CAPN12: variants seen among roughly 807,000 people sequenced by gnomAD.
CAPN12 encodes calpain-12.
Under a neutral mutation model 95.0 loss-of-function variants are expected in CAPN12, and 107 were observed. The ratio of observed to expected loss-of-function variants is 1.13; its 90% confidence interval spans 0.96 to 1.32. The LOEUF (loss-of-function observed/expected upper bound fraction) is 1.32. Ranked by LOEUF, CAPN12 falls within the 40% of genes most tolerant of loss-of-function variation. The pLI is 0.00. For missense variants in CAPN12, 1,136 were observed against 997.8 expected (o/e 1.14, Z -1.87); for synonymous variants, 505 against 415.5 (o/e 1.22, Z -2.62).
chr19:38,741,401 C>T (rs936223451), intron 4 of CAPN12, among the ~76,000 whole-genome samples: 10 of 151,896 alleles, frequency 6.6e-5, no homozygotes, highest in Non-Finnish European at 4.4e-5. Context: ...GGTGAAACCC[C>T]ATCTCTACTA....
Position 38,734,875 on chromosome 19 carries a change from T to C in CAPN12, c.1687-5A>G, listed in dbSNP as rs1277232985. The stretch of plus-strand genomic sequence containing the variant: ...AGAGGCATTGAGTTCTTCCTCCTAG[T>C]CCAGGAAAGAGGGCTTGTGAGGCCA... On this transcript the variant is annotated splice_region_variant and splice_polypyrimidine_tract_variant and intron_variant, in intron 14 of 20. Transcript: ENST00000328867. 6.2e-7 allele frequency: 1 copy of C among 1,612,536 alleles called. No individual in the cohort carries two copies. The highest frequency in any genetic ancestry group is 8.5e-7 in the Non-Finnish European group (1 of 1,179,788).
intron 18 of CAPN12, 60 bp downstream of exon 18, chr19:38,733,643 A>G (rs1969795447): frequency 1.4e-6 from 2 of 1,454,072 alleles, no homozygotes; most frequent in Non-Finnish European, 1.9e-6. Flanking sequence ...GGACTTGGAG[A>G]CAATGGGATG....
chr19:38,738,939 C>T, intron 5 of CAPN12: 1 of 482,076 alleles, frequency 2.1e-6, no homozygotes, highest in South Asian at 2.2e-5. Flanking sequence ...CAAGACCAGC[C>T]TGGGCAACAT....
At position 38,743,058 on chromosome 19, in the gene CAPN12, G is replaced by A; in HGVS notation, c.282C>T (p.Arg94=). ...EPKFICEDMS[R]TDVCQGSLGN... is the part of the protein sequence containing the mutation. ...CCAGGCTCCCCTGACACACGTCTGT[G>A]CGGCTCATGTCTTCACAGATGAACT... Residue 94 remains arginine (R), a synonymous_variant, in exon 2 of 21, where the codon CGC becomes CGT. Transcript: ENST00000328867. 6.2e-7 allele frequency: 1 copy of A among 1,613,990 alleles called. No homozygotes were observed.
rs1970246447 is a variant in CAPN12 at position 38,737,139 on chromosome 19, T to C, written c.1362+17A>G. On this transcript the variant is annotated intron_variant, in intron 10 of 20. Coordinates refer to ENST00000328867, the MANE Select transcript of CAPN12 (RefSeq NM_144691.4). ...CCTCCGGGTTCCCTCCAGCCTCAGC[T>C]TTGCCCAGGACCTCACCTGGAACAC... is the stretch of plus-strand genomic sequence containing the variant. 5 of 1,370,066 alleles carry C rather than the reference T, an allele frequency of 3.6e-6. No homozygotes were observed. The highest frequency in any genetic ancestry group is 3.9e-6 in the Non-Finnish European group (4 of 1,036,312). The allele number at this position is 1,370,066 out of a possible 1,614,324, so 84.9% of individuals were successfully genotyped here.
At chr19:38,738,087 T>C (rs1004213920) in intron 8 of CAPN12, among the ~76,000 whole-genome samples, 186 bp downstream of exon 8, 1 of 152,134 alleles carries the variant, frequency 6.6e-6, no homozygotes, top group African/African-American at 2.4e-5. Flanking sequence ...CCCACTCCAA[T>C]CAGAGGTTCT....
chr19:38,730,989 C>T lies in CAPN12; in HGVS notation c.2109G>A (p.Gly703=), dbSNP rs764968513. 8.4e-6 allele frequency: 13 copies of T among 1,551,248 alleles called. No individual in the cohort carries two copies. In the South Asian group the frequency reaches 1.3e-4, roughly 16 times the overall value. ...HCSQHLDGGE[G]VICLTHRQWM... Reference sequence around the variant, plus strand: ...CCTGTCTGTGGGTCAGGCAGATGACCCCCTCACCCCCATCCAGGTGCTGGC... The same window carrying T: ...CCTGTCTGTGGGTCAGGCAGATGACTCCCTCACCCCCATCCAGGTGCTGGC... Residue 703 remains glycine (G), a synonymous_variant, in exon 20 of 21, where the codon GGG becomes GGA. Transcript: ENST00000328867.
intron 3 of CAPN12, 156 bp downstream of exon 3, chr19:38,742,254 G>A: frequency 1.5e-6 from 1 of 665,038 alleles, no homozygotes; most frequent in Non-Finnish European, 2.6e-6. Context: ...GAACCTGGGG[G>A]CGGGGCGAAG....
intron 14 of CAPN12, 69 bp downstream of exon 14, chr19:38,735,301 G>T (rs1234664439): frequency 2.8e-6 from 4 of 1,437,364 alleles, no homozygotes; most frequent in Non-Finnish European, 3.7e-6. Flanking sequence ...AGATGCTGGG[G>T]TGGGGGAAGG....
Position 38,735,398 on chromosome 19 carries a change from T to C in CAPN12, c.1658A>G (p.Glu553Gly). ...GPYLPLELGLEQLFQELAGEE... is the reference protein window; with the variant it reads ...GPYLPLELGLGQLFQELAGEE... Reference sequence around the variant, plus strand: ...TCCAGCCAGCTCCTGAAACAGCTGCTCCAACCCCAGCTCCAGGGGCAGGTA... The same window carrying C: ...TCCAGCCAGCTCCTGAAACAGCTGCCCCAACCCCAGCTCCAGGGGCAGGTA... Residue 553 changes from glutamate (E) to glycine (G), a missense_variant, in exon 14 of 21, where the codon GAG (glutamate) becomes GGG (glycine). Coordinates refer to ENST00000328867, the MANE Select transcript of CAPN12 (RefSeq NM_144691.4). 1 of 1,607,160 alleles carries C rather than the reference T, an allele frequency of 6.2e-7. No homozygotes were observed. The highest frequency in any genetic ancestry group is 8.5e-7 in the Non-Finnish European group (1 of 1,176,578).
intron 5 of CAPN12, chr19:38,739,001 G>T: frequency 2.9e-6 from 1 of 343,616 alleles, no homozygotes; most frequent in South Asian, 2.6e-5. Flanking sequence ...GCGTGGTGGT[G>T]CACACCAGTG....
At chr19:38,731,477 G>A (rs1204824438) in intron 18 of CAPN12, 11 of 543,382 alleles carry the variant, frequency 2.0e-5, no homozygotes, top group South Asian at 4.2e-5. Context: ...CGTCTGACAC[G>A]TGACTCGATG....
chr19:38,742,571 GGCCTGGTGCGGTGGCTCAT>G (rs1349688147), intron 2 of CAPN12, 43 bp from the exon 3 acceptor site: 5 of 1,404,228 alleles, frequency 3.6e-6, no homozygotes, highest in Non-Finnish European at 4.9e-6. Context: ...GAAGGAGGGA[GGCCTGGTGCGGTGGCTCAT>G]GCCTCTAATC....
rs367554415 is a variant in CAPN12 at position 38,730,971 on chromosome 19, G to A, written c.2127C>T (p.His709=). Residue 709 remains histidine, a synonymous_variant, in exon 20 of 21, where the codon CAC becomes CAT. Coordinates refer to ENST00000328867, the MANE Select transcript of CAPN12 (RefSeq NM_144691.4). ...DGGEGVICLT[H]RQWMEVATFS is the part of the protein sequence containing the mutation. ...TCCCTCCCACCTGGCTCACCTGTCT[G>A]TGGGTCAGGCAGATGACCCCCTCAC... The A allele has an allele frequency of 1.3e-6, 2 of 1,550,758 alleles. No homozygotes were observed. Among genetic ancestry groups the A allele is most frequent in the African/African-American group, 1.4e-5 (1 of 73,072 alleles).
intron 3 of CAPN12, 193 bp downstream of exon 3, chr19:38,742,217 T>C (rs1489447332): frequency 1.6e-6 from 1 of 628,936 alleles, no homozygotes; most frequent in East Asian, 2.7e-5. Flanking sequence ...TCCCAGCTAC[T>C]CAGGAGGCTG....
intron 5 of CAPN12, 110 bp downstream of exon 5, chr19:38,739,940 TA>T: frequency 8.6e-7 from 1 of 1,166,490 alleles, no homozygotes; most frequent in Non-Finnish European, 1.2e-6. Flanking sequence ...TGAGCGAGCC[TA>T]AGCCAGTAAC....
At chr19:38,738,810 G>A (rs927716897) in intron 5 of CAPN12, 162 bp from the exon 6 acceptor site, 19 of 631,090 alleles carry the variant, frequency 3.0e-5, no homozygotes, top group Non-Finnish European at 4.5e-5. Context: ...GAAGGCGAAA[G>A]AGAAAAGGAG....
chr19:38,736,462 G>T (rs2014239637), intron 11 of CAPN12, 90 bp downstream of exon 11: 1 of 1,501,832 alleles, frequency 6.7e-7, no homozygotes, highest in South Asian at 1.3e-5. Context: ...CCACCCCCAG[G>T]GCAGTTTGAC....
rs375958081 is a variant in CAPN12 at position 38,731,160 on chromosome 19, C to T, written c.2021G>A (p.Arg674His). The change falls in exon 19 of 21, where the codon CGT becomes CAT. Residue 674 changes from arginine to histidine, a missense_variant. Coordinates refer to ENST00000328867, the MANE Select transcript of CAPN12 (RefSeq NM_144691.4). ...GGACACGAACCGCTCGAAGTCCACA[C>T]GCAGACGGCTATCCCGGTAGCGGCT... ...LTSRYRDSRL[R>H]VDFERFVSCV... 70 of 1,613,110 alleles carry T rather than the reference C, an allele frequency of 4.3e-5. No homozygotes were observed. Among genetic ancestry groups the T allele is most frequent in the African/African-American group, 2.3e-4 (17 of 74,932 alleles).
Sources: allele counts gnomAD v4.1 joint callset (sites outside exome capture counted in the v4.1 genomes callset), GRCh38; gene constraint gnomAD v4.1.1; transcripts MANE v1.5; gene names NCBI Gene and HGNC (gene_info 2026-07-23, HGNC 2026-07-21).